ST6GAL2: variants seen among roughly 807,000 people sequenced by gnomAD.
The protein encoded by ST6GAL2 is beta-galactoside alpha-2,6-sialyltransferase 2.
A neutral mutation model predicts 37.5 loss-of-function variants in ST6GAL2; 24 were observed. The observed-to-expected ratio is 0.64, with a 90% CI of 0.46 to 0.90. ST6GAL2 has a LOEUF of 0.90. Among genes scored for constraint, ST6GAL2 ranks in the 40% least tolerant of loss-of-function variants. The pLI, the probability that ST6GAL2 is intolerant of heterozygous loss-of-function variation, is 0.00. For missense variants in ST6GAL2, 715 were observed against 712.7 expected (o/e 1.00, Z -0.04); for synonymous variants, 306 against 295.1 (o/e 1.04, Z -0.38).
chr2:106,817,423 C>T (rs762065358), intron 5 of ST6GAL2, among the ~76,000 whole-genome samples: 6 of 152,230 alleles, frequency 3.9e-5, no homozygotes, highest in African/African-American at 7.2e-5. Context: ...CTGAGGCCCC[C>T]ATTCCAGGCC....
rs138821621 is a variant in ST6GAL2, at chr2:106,834,053, G to A, written c.1037C>T (p.Ser346Leu). The change falls in exon 3 of 6, where the codon TCG becomes TTG. Residue 346 changes from serine (S) to leucine (L), a missense_variant. Around this residue, in one of 3 missense-constraint regions of ST6GAL2, gnomAD observed 512 missense variants for 488.8 expected, o/e 1.05. Coordinates refer to ENST00000409382, the MANE Select transcript of ST6GAL2 (RefSeq NM_001142351.2). The stretch of plus-strand genomic sequence containing the variant: ...AAAACACTCCATCTGTCTTACCTGC[G>A]AATTAATGATGCGTATGGTGGTTTT... Reference protein sequence around the residue: ...GNKTTIRIINSQILTNPSHHF... With the variant: ...GNKTTIRIINLQILTNPSHHF... The A allele has an allele frequency of 5.0e-6, 8 of 1,609,934 alleles. No individual in the cohort carries two copies. Among genetic ancestry groups the A allele is most frequent in the African/African-American group, 4.0e-5 (3 of 74,742 alleles).
At chr2:106,876,566 T>C (rs1297326609) in intron 1 of ST6GAL2, among the ~76,000 whole-genome samples, 2 of 152,204 alleles carry the variant, frequency 1.3e-5, no homozygotes, top group Non-Finnish European at 2.9e-5. Context: ...ACTAATCTAC[T>C]CTGATATAAA....
chr2:106,856,049 C>T (rs1427682161), intron 1 of ST6GAL2, among the ~76,000 whole-genome samples: 3 of 152,154 alleles, frequency 2.0e-5, no homozygotes, highest in Non-Finnish European at 4.4e-5. Context: ...GTTTCTTTAC[C>T]TCTTTGCACC....
chr2:106,814,739 G>A (rs911037464), intron 5 of ST6GAL2, among the ~76,000 whole-genome samples: 15 of 152,192 alleles, frequency 9.9e-5, no homozygotes, highest in Admixed American at 9.2e-4. Context: ...GACCCCAGGT[G>A]AGATCACTCA....
intron 2 of ST6GAL2, among the ~76,000 whole-genome samples, chr2:106,838,166 AG>A (rs1402280873): frequency 6.6e-6 from 1 of 152,216 alleles, no homozygotes; most frequent in Non-Finnish European, 1.5e-5. Context: ...AGCAAATACA[AG>A]GGGAAGAAAG....
At chr2:106,861,018 C>T (rs547695389) in intron 1 of ST6GAL2, among the ~76,000 whole-genome samples, 15 of 152,256 alleles carry the variant, frequency 9.9e-5, no homozygotes, top group Admixed American at 3.3e-4. Flanking sequence ...CGCCAAATGC[C>T]GGAAACCTGA....
chr2:106,807,027 G>A, intron 5 of ST6GAL2, 78 bp from the exon 6 acceptor site: 1 of 1,253,130 alleles, frequency 8.0e-7, no homozygotes, highest in Non-Finnish European at 1.1e-6. Flanking sequence ...GAGGGGTGGT[G>A]GTGATGGGAT....
At chr2:106,821,226 A>T (rs1393698061) in intron 5 of ST6GAL2, among the ~76,000 whole-genome samples, 3 of 151,602 alleles carry the variant, frequency 2.0e-5, no homozygotes, top group East Asian at 1.9e-4. Context: ...GATAAACAAA[A>T]TTGAAAAATA....
intron 1 of ST6GAL2, among the ~76,000 whole-genome samples, chr2:106,875,360 T>C (rs1010931564): frequency 6.6e-6 from 1 of 152,046 alleles, no homozygotes; most frequent in Non-Finnish European, 1.5e-5. Flanking sequence ...CTATTTTTGG[T>C]AGAGATGGGG....
At chr2:106,864,988 C>T (rs1029354765) in intron 1 of ST6GAL2, among the ~76,000 whole-genome samples, 16 of 151,956 alleles carry the variant, frequency 1.1e-4, no homozygotes, top group African/African-American at 3.1e-4. Flanking sequence ...ATGGTGTAAA[C>T]GCTTCCACTA....
upstream of ST6GAL2, chr2:106,886,351 C>T (rs1678994513): frequency 6.6e-6 from 1 of 152,162 alleles, no homozygotes; most frequent in Admixed American, 6.5e-5. Flanking sequence ...CTGCCGCAGG[C>T]TCGAGTCCTC....
intron 1 of ST6GAL2, among the ~76,000 whole-genome samples, chr2:106,871,055 C>A (rs1000647241): frequency 3.3e-5 from 5 of 152,170 alleles, no homozygotes; most frequent in African/African-American, 1.2e-4. Flanking sequence ...GATGGTACAG[C>A]CTACTGCACA....
intron 1 of ST6GAL2, among the ~76,000 whole-genome samples, chr2:106,884,082 C>G (rs1678860086): frequency 1.3e-5 from 2 of 152,100 alleles, no homozygotes; most frequent in South Asian, 4.2e-4. Flanking sequence ...TAGACCAGAG[C>G]CTCACACACT....
At chr2:106,845,935 G>A (rs1478099455) in intron 1 of ST6GAL2, among the ~76,000 whole-genome samples, 1 of 152,156 alleles carries the variant, frequency 6.6e-6, no homozygotes, top group Admixed American at 6.5e-5. Context: ...CCAGACACCA[G>A]TGAAGACATA....
At position 106,843,596 on chromosome 2, in the gene ST6GAL2, C is replaced by T. The variant is rs1422029942; in HGVS notation, c.382G>A (p.Asp128Asn). The T allele has an allele frequency of 2.5e-6, 4 of 1,613,912 alleles. No individual in the cohort carries two copies. The highest frequency in any genetic ancestry group is 1.1e-5 in the South Asian group (1 of 91,092). The change falls in exon 2 of 6, where the codon GAT (aspartate) becomes AAT (asparagine). Residue 128 changes from aspartate to asparagine, a missense_variant. Transcript: ENST00000409382. ...CCAGCAGCAAAAAAGTAGTCGTCATCCTCCGGGTAGAAAGCACTTTGAGAT... is the reference window on the plus strand; with the variant it reads ...CCAGCAGCAAAAAAGTAGTCGTCATTCTCCGGGTAGAAAGCACTTTGAGAT... Reference protein sequence around the residue: ...RKSQSAFYPEDDDYFFAAGQP... With the variant: ...RKSQSAFYPENDDYFFAAGQP...
At chr2:106,859,015 C>CA (rs1300789095) in intron 1 of ST6GAL2, among the ~76,000 whole-genome samples, 1 of 152,168 alleles carries the variant, frequency 6.6e-6, no homozygotes, top group Non-Finnish European at 1.5e-5. Context: ...TAATGCTTCA[C>CA]AAAGCAGGAG....
chr2:106,886,907 G>A (rs190406004), upstream of ST6GAL2: 3 of 152,260 alleles, frequency 2.0e-5, no homozygotes, highest in Admixed American at 2.0e-4. Context: ...GGGGCAGCAC[G>A]GCTGCCTAAA....
chr2:106,831,350 T>C (rs1676413829), intron 4 of ST6GAL2, among the ~76,000 whole-genome samples: 1 of 152,314 alleles, frequency 6.6e-6, no homozygotes, highest in South Asian at 2.1e-4. Flanking sequence ...GGTGGCCAGC[T>C]CTGTGCCCTG....
At chr2:106,813,522 T>C (rs1241363157) in intron 5 of ST6GAL2, among the ~76,000 whole-genome samples, 2 of 152,210 alleles carry the variant, frequency 1.3e-5, no homozygotes, top group African/African-American at 4.8e-5. Flanking sequence ...TATACATCTT[T>C]AATTGGCATA....
Sources: allele counts gnomAD v4.1 joint callset (sites outside exome capture counted in the v4.1 genomes callset), GRCh38; gene constraint gnomAD v4.1.1; regional missense constraint gnomAD v4.1.1; transcripts MANE v1.5; gene names NCBI Gene and HGNC (gene_info 2026-07-23, HGNC 2026-07-21).